CEP85L: variants seen among roughly 807,000 people sequenced by gnomAD.
CEP85L encodes the protein centrosomal protein of 85 kDa-like.
A neutral mutation model predicts 100.3 loss-of-function variants in CEP85L; 60 were observed. The observed-to-expected ratio is 0.60, with a 90% CI of 0.49 to 0.74. The LOEUF (loss-of-function observed/expected upper bound fraction) is 0.74. Ranked by LOEUF, CEP85L falls within the 30% of genes least tolerant of loss-of-function variation. CEP85L has a pLI of 0.00. For synonymous variants in CEP85L, 319 were observed against 322.7 expected (o/e 0.99, Z 0.12); for missense variants, 973 against 936.2 (o/e 1.04, Z -0.51).
At chr6:118,611,285 TA>T (rs558374972) in intron 2 of CEP85L, among the ~76,000 whole-genome samples, 5 of 151,776 alleles carry the variant, frequency 3.3e-5, no homozygotes, top group Admixed American at 2.0e-4. Context: ...CTCAAAGTGG[TA>T]AAAAAAATCA....
At chr6:118,487,379 G>A (rs1353895681) in intron 6 of CEP85L, among the ~76,000 whole-genome samples, 3 of 152,172 alleles carry the variant, frequency 2.0e-5, no homozygotes, top group African/African-American at 7.2e-5. Flanking sequence ...CTGGAGAGTA[G>A]TGTCAGCAAG....
At chr6:118,665,914 G>A (rs975685216) in intron 1 of CEP85L, among the ~76,000 whole-genome samples, 1 of 152,120 alleles carries the variant, frequency 6.6e-6, no homozygotes, top group Non-Finnish European at 1.5e-5. Context: ...TCCCCCTGGT[G>A]TTTGTGTTCC....
intron 2 of CEP85L, among the ~76,000 whole-genome samples, chr6:118,621,192 C>T (rs1773419514): frequency 6.6e-6 from 1 of 152,146 alleles, no homozygotes; most frequent in Admixed American, 6.5e-5. Context: ...ACAGTCCCTG[C>T]AACACCCCAA....
At chr6:118,567,072 C>T (rs1779551320) in intron 2 of CEP85L, among the ~76,000 whole-genome samples, 1 of 151,698 alleles carries the variant, frequency 6.6e-6, no homozygotes, top group African/African-American at 2.4e-5. Context: ...TTTAGAACCT[C>T]CCCAAACTCT....
chr6:118,611,567 C>T (rs1772615649), intron 2 of CEP85L, among the ~76,000 whole-genome samples: 1 of 152,160 alleles, frequency 6.6e-6, no homozygotes, highest in South Asian at 2.1e-4. Context: ...GAAATTGGCA[C>T]AGCAGATTGA....
intron 2 of CEP85L, chr6:118,589,149 A>G: frequency 3.6e-6 from 1 of 277,194 alleles, no homozygotes; most frequent in Non-Finnish European, 7.7e-6. Flanking sequence ...GCCTTCAATG[A>G]TATTGCCAGA....
chr6:118,622,415 G>A (rs1160007189), intron 2 of CEP85L, among the ~76,000 whole-genome samples: 1 of 152,188 alleles, frequency 6.6e-6, no homozygotes, highest in Non-Finnish European at 1.5e-5. Context: ...CCAGACTTAT[G>A]CCGCCTGGGA....
chr6:118,569,835 A>C (rs1779779543), intron 2 of CEP85L, among the ~76,000 whole-genome samples: 1 of 152,110 alleles, frequency 6.6e-6, no homozygotes, highest in African/African-American at 2.4e-5. Context: ...AAATTCAATA[A>C]GTAAATAAAC....
intron 3 of CEP85L, among the ~76,000 whole-genome samples, chr6:118,545,587 C>T (rs917501197): frequency 1.3e-5 from 2 of 151,876 alleles, no homozygotes; most frequent in African/African-American, 4.8e-5. Flanking sequence ...ACTCCGCACC[C>T]CCTTCCAAAA....
At position 118,565,825 on chromosome 6, in the gene CEP85L, C is replaced by A; in HGVS notation, c.724G>T (p.Ala242Ser). 2 of 1,614,096 alleles carry A rather than the reference C, an allele frequency of 1.2e-6. No homozygotes were observed. Among genetic ancestry groups the A allele is most frequent in the Non-Finnish European group, 1.7e-6 (2 of 1,180,016 alleles). ...FESCSKEDFR[A>S]SSSTLRRQPV... ...TGTCTCCTAAGAGTAGAGGAAGAGG[C>A]TCTAAAGTCCTCCTTGCTACAGCTC... is the stretch of plus-strand genomic sequence containing the variant. The change falls in exon 3 of 13, where the codon GCC (alanine) becomes TCC (serine). Residue 242 changes from alanine (A) to serine (S), a missense_variant. Coordinates refer to ENST00000368491, the MANE Select transcript of CEP85L (RefSeq NM_001042475.3).
intron 2 of CEP85L, among the ~76,000 whole-genome samples, chr6:118,629,047 A>C (rs1201605216): frequency 6.6e-6 from 1 of 152,218 alleles, no homozygotes; most frequent in African/African-American, 2.4e-5. Context: ...CAATAAAAAT[A>C]ATCAAACTTT....
chr6:118,519,458 GTGTGTGTGTGTGT>G (rs1219021092), intron 4 of CEP85L, among the ~76,000 whole-genome samples: 1 of 65,808 alleles, frequency 1.5e-5, no homozygotes, highest in Non-Finnish European at 3.3e-5. Context: ...GTGTGTGTGT[GTGTGTGTGTGTGT>G]GTGGCGGGGG....
At position 118,480,384 on chromosome 6, in the gene CEP85L, GTATC is replaced by G. The variant is rs765766263; in HGVS notation, c.1863+8_1863+11del. 8 of 1,435,840 alleles carry G rather than the reference GTATC, an allele frequency of 5.6e-6. No homozygotes were observed. In the East Asian group the frequency reaches 1.6e-4, roughly 29 times the overall value. 88.9% of individuals were successfully genotyped at this position (1,435,840 alleles called of 1,614,324 possible). A position where few individuals can be genotyped will look rare whatever the true frequency, so the allele number is the denominator to read the frequency against. ...ATAGATTTCACGTTTATGATCTAAGGTATCTACTGACCTTACTAGCAGTCTCATT... is the reference window on the plus strand; with the variant it reads ...ATAGATTTCACGTTTATGATCTAAGGTACTGACCTTACTAGCAGTCTCATT... On this transcript the variant is annotated splice_region_variant and intron_variant, in intron 9 of 12. Transcript: ENST00000368491.
intron 3 of CEP85L, among the ~76,000 whole-genome samples, chr6:118,524,270 C>T (rs1776834986): frequency 1.3e-5 from 2 of 151,988 alleles, no homozygotes; most frequent in South Asian, 4.2e-4. Flanking sequence ...CGGTGAAACC[C>T]CATCTCTACT....
rs144592782 is a variant in CEP85L, at chr6:118,507,257, A to G, written c.1257+4041T>C. 3.4e-3 allele frequency among the ~76,000 whole-genome samples: 517 copies of G among 152,318 alleles called. 4 individuals carry two copies. Among genetic ancestry groups the G allele is most frequent in the African/African-American group, 0.012 (500 of 41,572 alleles). The stretch of plus-strand genomic sequence containing the variant: ...GGCAATCATTCTCTCACCACATTAA[A>G]TATGTCATTAAATCTGGCCCATTTT... On this transcript the variant is annotated intron_variant, in intron 5 of 12. Transcript: ENST00000368491.
intron 2 of CEP85L, among the ~76,000 whole-genome samples, chr6:118,580,757 T>C (rs1336420357): frequency 6.6e-6 from 1 of 152,224 alleles, no homozygotes; most frequent in East Asian, 1.9e-4. Context: ...TGGCAGAGAA[T>C]CCTCAGCTAT....
upstream of CEP85L, among the ~76,000 whole-genome samples, chr6:118,655,833 G>C (rs139824015): frequency 1.7e-3 from 254 of 152,258 alleles, 3 homozygotes; most frequent in South Asian, 2.3e-3. Context: ...CACTAAACCA[G>C]TTACCTATTT....
chr6:118,654,180 A>G (rs1385632370), upstream of CEP85L, among the ~76,000 whole-genome samples: 1 of 152,194 alleles, frequency 6.6e-6, no homozygotes, highest in Non-Finnish European at 1.5e-5. Flanking sequence ...TGAGAGACCA[A>G]GGCAGGAGAA....
intron 3 of CEP85L, among the ~76,000 whole-genome samples, chr6:118,542,558 T>C (rs899513657): frequency 6.6e-5 from 10 of 150,692 alleles, no homozygotes; most frequent in Non-Finnish European, 1.2e-4. Context: ...CTGCCTTCCA[T>C]TTATTTACGA....
Sources: allele counts gnomAD v4.1 joint callset (sites outside exome capture counted in the v4.1 genomes callset), GRCh38; gene constraint gnomAD v4.1.1; transcripts MANE v1.5; gene names NCBI Gene and HGNC (gene_info 2026-07-23, HGNC 2026-07-21).